The following FRMD3 variants were observed in gnomAD, a reference collection of about 807,000 sequenced individuals.
FRMD3 encodes FERM domain-containing protein 3.
A neutral mutation model predicts 70.2 loss-of-function variants in FRMD3; 33 were observed. That is an observed-to-expected ratio of 0.47 (90% CI 0.36 to 0.63). The LOEUF (loss-of-function observed/expected upper bound fraction) is 0.63. Among genes scored for constraint, FRMD3 ranks in the 20% least tolerant of loss-of-function variants. The pLI is 0.00. For missense variants in FRMD3, 632 were observed against 711.4 expected, an observed-to-expected ratio of 0.89 and a Z score of 1.27; for synonymous variants, 279 against 255.9, an observed-to-expected ratio of 1.09 and a Z score of -0.86.
At chr9:83,260,943 T>G (rs915861121) in intron 13 of FRMD3, among the ~76,000 whole-genome samples, 2 of 152,150 alleles carry the variant, frequency 1.3e-5, no homozygotes, top group African/African-American at 4.8e-5. Context: ...CTTTTCCAGA[T>G]GAGAGTTTTT....
chr9:83,365,831 C>A (rs773343333), intron 3 of FRMD3, among the ~76,000 whole-genome samples: 44 of 152,174 alleles, frequency 2.9e-4, no homozygotes, highest in Admixed American at 1.6e-3. Context: ...TGAGGCTGAG[C>A]AGTTCCTGCC....
intron 13 of FRMD3, among the ~76,000 whole-genome samples, chr9:83,269,824 C>T (rs992677318): frequency 4.6e-5 from 7 of 152,096 alleles, no homozygotes; most frequent in African/African-American, 1.7e-4. Context: ...CACTTTTTCC[C>T]CTCTTAAACC....
chr9:83,419,483 G>T (rs1185065272), intron 1 of FRMD3, among the ~76,000 whole-genome samples: 1 of 150,654 alleles, frequency 6.6e-6, no homozygotes, highest in Non-Finnish European at 1.5e-5. Flanking sequence ...TTCATGTGTT[G>T]AGAGTGTGTG....
chr9:83,430,274 C>T lies in FRMD3; in HGVS notation c.148-40566G>A, dbSNP rs1327138009. Among the ~76,000 whole-genome samples, 4 of 152,056 alleles carry T rather than the reference C, an allele frequency of 2.6e-5. No homozygotes were observed. In the South Asian group the frequency reaches 8.3e-4, roughly 32 times the overall value. On this transcript the variant is annotated intron_variant, in intron 1 of 13. Coordinates refer to ENST00000304195, the MANE Select transcript of FRMD3 (RefSeq NM_174938.6). ...AACACAACCCTTGTCCCACGCTGGCCCCTCCTTCTGCAGCCCCCTGTAACC... is the reference window on the plus strand; with the variant it reads ...AACACAACCCTTGTCCCACGCTGGCTCCTCCTTCTGCAGCCCCCTGTAACC...
At chr9:83,267,678 G>A (rs1241305504) in intron 13 of FRMD3, among the ~76,000 whole-genome samples, 2 of 152,082 alleles carry the variant, frequency 1.3e-5, no homozygotes, top group Non-Finnish European at 2.9e-5. Context: ...ATTTGAAATC[G>A]AGATATTCAA....
Position 83,265,743 on chromosome 9 carries a change from G to C in FRMD3, c.1196-17227C>G, listed in dbSNP as rs372996099. Reference sequence around the variant, plus strand: ...ACTTTTAAGAAACTGGCCATATCAGGGTGAGTGATTATGTGGGGGAATAGT... The same window carrying C: ...ACTTTTAAGAAACTGGCCATATCAGCGTGAGTGATTATGTGGGGGAATAGT... On this transcript the variant is annotated intron_variant, in intron 13 of 13. Coordinates refer to ENST00000304195, the MANE Select transcript of FRMD3 (RefSeq NM_174938.6). 1.3e-4 allele frequency among the ~76,000 whole-genome samples: 20 copies of C among 152,226 alleles called. 1 individual carries two copies. In the South Asian group the frequency reaches 3.7e-3, roughly 28 times the overall value.
intron 10 of FRMD3, among the ~76,000 whole-genome samples, chr9:83,303,089 G>A (rs1274558692): frequency 6.6e-6 from 1 of 152,154 alleles, no homozygotes; most frequent in Non-Finnish European, 1.5e-5. Context: ...GGTACTGGGG[G>A]GACATTGGGT....
rs1447310953 is a variant in FRMD3, at chr9:83,378,528, TTA to T, written c.253-5575_253-5574del. Among the ~76,000 whole-genome samples the T allele has an allele frequency of 2.3e-4, 18 of 78,874 alleles. 1 individual carries two copies. The highest frequency in any genetic ancestry group is 6.8e-4 in the African/African-American group (15 of 21,904). 51.7% of individuals were successfully genotyped at this position (78,874 alleles called of 152,430 possible). ...TATATATATAATATACATATAAAAT[TTA>T]TATATATAATATACATATAAAATTT... On this transcript the variant is annotated intron_variant, in intron 2 of 13. Coordinates refer to ENST00000304195, the MANE Select transcript of FRMD3 (RefSeq NM_174938.6).
At chr9:83,465,275 C>A (rs762802045) in intron 1 of FRMD3, among the ~76,000 whole-genome samples, 95 of 152,124 alleles carry the variant, frequency 6.2e-4, no homozygotes, top group Non-Finnish European at 9.1e-4. Context: ...GTCCTGACTC[C>A]GGTCCCAGTG....
intron 1 of FRMD3, among the ~76,000 whole-genome samples, chr9:83,421,095 C>T (rs1006197314): frequency 5.3e-5 from 8 of 151,590 alleles, no homozygotes; most frequent in Non-Finnish European, 7.4e-5. Context: ...CGCCCGCCAC[C>T]ACGCCCGGCT....
At chr9:83,370,771 G>T (rs955514632) in intron 3 of FRMD3, among the ~76,000 whole-genome samples, 1 of 152,102 alleles carries the variant, frequency 6.6e-6, no homozygotes, top group Non-Finnish European at 1.5e-5. Flanking sequence ...AATTAGCCAG[G>T]CACGGTAGTG....
chr9:83,361,719 G>T (rs1461580171), intron 3 of FRMD3, among the ~76,000 whole-genome samples: 2 of 152,158 alleles, frequency 1.3e-5, no homozygotes, highest in Non-Finnish European at 2.9e-5. Flanking sequence ...TTCATATTAG[G>T]TTAGGGTGGT....
rs192210972 is a variant in FRMD3, at chr9:83,429,836, G to A, written c.148-40128C>T. Reference sequence around the variant, plus strand: ...TTCAGGGATCTCATTCAGCCCCCTGGCTCCAACTCTGACCTCTATGCAGAG... The same window carrying A: ...TTCAGGGATCTCATTCAGCCCCCTGACTCCAACTCTGACCTCTATGCAGAG... On this transcript the variant is annotated intron_variant, in intron 1 of 13. Transcript: ENST00000304195. Among the ~76,000 whole-genome samples the A allele has an allele frequency of 1.9e-3, 286 of 151,632 alleles. 3 individuals are homozygous for A. Among genetic ancestry groups the A allele is most frequent in the African/African-American group, 6.8e-3 (283 of 41,336 alleles).
At chr9:83,431,596 C>T (rs997484553) in intron 1 of FRMD3, among the ~76,000 whole-genome samples, 1 of 151,714 alleles carries the variant, frequency 6.6e-6, no homozygotes, top group Non-Finnish European at 1.5e-5. Flanking sequence ...TGAGATGAAA[C>T]ATTTGACTTC....
chr9:83,353,673 G>C (rs1824238770), intron 3 of FRMD3, among the ~76,000 whole-genome samples: 1 of 152,158 alleles, frequency 6.6e-6, no homozygotes, highest in African/African-American at 2.4e-5. Context: ...ATCTAGAAAA[G>C]TTTGTCATCT....
At chr9:83,435,300 C>T (rs1255417680) in intron 1 of FRMD3, among the ~76,000 whole-genome samples, 1 of 152,146 alleles carries the variant, frequency 6.6e-6, no homozygotes, top group Non-Finnish European at 1.5e-5. Context: ...CCTGGCAGAT[C>T]CTTTGGTCCC....
chr9:83,246,447 T>G lies in FRMD3; in HGVS notation c.*1471A>C. Reference sequence around the variant, plus strand: ...ATGGATTTAATGGTATCAAGGAAGGTACTAGAGCACTGGTCCCCTCTACAG... The same window carrying G: ...ATGGATTTAATGGTATCAAGGAAGGGACTAGAGCACTGGTCCCCTCTACAG... On this transcript the variant is annotated 3_prime_UTR_variant, in exon 14 of 14. Transcript: ENST00000304195. The G allele has an allele frequency of 1.0e-6, 1 of 984,304 alleles. No individual in the cohort carries two copies. Among genetic ancestry groups the G allele is most frequent in the Non-Finnish European group, 1.2e-6 (1 of 829,026 alleles). 61.0% of individuals were successfully genotyped at this position (984,304 alleles called of 1,614,324 possible). A position where few individuals can be genotyped will look rare whatever the true frequency, so the allele number is the denominator to read the frequency against.
intron 13 of FRMD3, among the ~76,000 whole-genome samples, chr9:83,254,837 A>G (rs573395678): frequency 6.6e-6 from 1 of 152,338 alleles, no homozygotes; most frequent in South Asian, 2.1e-4. Context: ...GAGAAACTGA[A>G]TATCTGAATA....
chr9:83,508,544 C>A (rs62560354), intron 1 of FRMD3, among the ~76,000 whole-genome samples: 9,731 of 152,210 alleles, frequency 0.064, 525 homozygotes, highest in Admixed American at 0.15. Flanking sequence ...ATCTCTCTGA[C>A]CTTGTGTCCT....
Sources: gnomAD v4.1 joint callset for allele counts (sites outside exome capture counted in the v4.1 genomes callset) on GRCh38, gnomAD v4.1.1 for gene constraint, MANE v1.5 for transcripts, NCBI Gene and HGNC (gene_info 2026-07-23, HGNC 2026-07-21) for gene names.